The following TMEFF1 variants were observed in gnomAD, a reference collection of about 807,000 sequenced individuals.
TMEFF1 encodes the protein tomoregulin-1.
A neutral mutation model predicts 47.5 loss-of-function variants in TMEFF1; 20 were observed. The observed-to-expected ratio is 0.42, with a 90% CI of 0.30 to 0.61. TMEFF1 has a LOEUF of 0.61. Ranked by LOEUF, TMEFF1 falls within the 20% of genes least tolerant of loss-of-function variation. The probability of loss-of-function intolerance (pLI) is 0.19; values close to 1 mark genes in which losing one functional copy is unlikely to be tolerated. For missense variants in TMEFF1, 411 were observed against 471.1 expected (o/e 0.87, Z 1.18); for synonymous variants, 162 against 166.3 (o/e 0.97, Z 0.20).
chr9:100,478,371 C>T (rs1214150153), intron 1 of TMEFF1, among the ~76,000 whole-genome samples: 2 of 152,036 alleles, frequency 1.3e-5, no homozygotes, highest in African/African-American at 4.8e-5. Context: ...CCCAGGCTGG[C>T]GTGTAGTGAC....
chr9:100,537,611 G>T (rs975584352), intron 5 of TMEFF1, among the ~76,000 whole-genome samples: 1 of 152,212 alleles, frequency 6.6e-6, no homozygotes, highest in Non-Finnish European at 1.5e-5. Flanking sequence ...CTGCTGAGAG[G>T]AGCCCTGCAC....
At chr9:100,574,606 G>T (rs1280324487) in intron 9 of TMEFF1, among the ~76,000 whole-genome samples, 1 of 151,878 alleles carries the variant, frequency 6.6e-6, no homozygotes, top group African/African-American at 2.4e-5. Context: ...TCAACTCCTA[G>T]GCTCAAGTGA....
At chr9:100,497,065 C>T (rs1163047108) in intron 1 of TMEFF1, among the ~76,000 whole-genome samples, 1 of 152,096 alleles carries the variant, frequency 6.6e-6, no homozygotes, top group African/African-American at 2.4e-5. Flanking sequence ...GTCCAAGTTC[C>T]TAGCAGAAGT....
chr9:100,543,755 T>G (rs957450084), intron 5 of TMEFF1, among the ~76,000 whole-genome samples: 1 of 143,634 alleles, frequency 7.0e-6, no homozygotes, highest in Non-Finnish European at 1.5e-5. Flanking sequence ...ACAAATCTCA[T>G]AATGTTTTAA....
rs527790546 is a variant in TMEFF1, at chr9:100,519,934, G to A, written c.560+3163G>A. Among the ~76,000 whole-genome samples the A allele has an allele frequency of 2.6e-5, 4 of 152,072 alleles. No homozygotes were observed. In the South Asian group the frequency reaches 8.3e-4, roughly 32 times the overall value. On this transcript the variant is annotated intron_variant, in intron 5 of 9. Coordinates refer to ENST00000374879, the MANE Select transcript of TMEFF1 (RefSeq NM_003692.5). ...TACACATGGTACTAATAAATATTAA[G>A]TCAAACAAAATTCTGTGGAATAGTA...
At chr9:100,569,857 C>G (rs529649620) in intron 8 of TMEFF1, among the ~76,000 whole-genome samples, 1 of 152,278 alleles carries the variant, frequency 6.6e-6, no homozygotes, top group African/African-American at 2.4e-5. Context: ...ACTATAGTCA[C>G]CATGTTGTAC....
intron 1 of TMEFF1, among the ~76,000 whole-genome samples, chr9:100,477,977 G>A (rs7041189): frequency 0.13 from 20,212 of 152,098 alleles, 1,491 homozygotes; most frequent in Middle Eastern, 0.2. Context: ...CTATTTATTT[G>A]ATTTCTGGTC....
intron 5 of TMEFF1, among the ~76,000 whole-genome samples, chr9:100,518,024 T>C (rs1361847560): frequency 6.6e-6 from 1 of 152,228 alleles, no homozygotes; most frequent in Non-Finnish European, 1.5e-5. Context: ...AATTGGTCTG[T>C]TTTTATTCCT....
intron 7 of TMEFF1, among the ~76,000 whole-genome samples, chr9:100,553,295 T>C (rs1838859255): frequency 6.6e-6 from 1 of 152,226 alleles, no homozygotes; most frequent in Admixed American, 6.5e-5. Flanking sequence ...TATTTTTACC[T>C]CATTTACTTT....
chr9:100,493,547 G>A (rs1192605758), intron 1 of TMEFF1, among the ~76,000 whole-genome samples: 1 of 152,150 alleles, frequency 6.6e-6, no homozygotes, highest in Non-Finnish European at 1.5e-5. Context: ...TGAAATTCTC[G>A]AGACAAGTTT....
Position 100,517,116 on chromosome 9 carries a change from C to T in TMEFF1, c.560+345C>T, listed in dbSNP as rs1838089859. ...TAGGTTTTGTAGCTGACAGCACTGT[C>T]TGTCCAATTTCCCATTCATTCCCTG... On this transcript the variant is annotated intron_variant, in intron 5 of 9. Coordinates refer to ENST00000374879, the MANE Select transcript of TMEFF1 (RefSeq NM_003692.5). Among the ~76,000 whole-genome samples the T allele has an allele frequency of 2.0e-5, 3 of 152,334 alleles. No individual in the cohort carries two copies. In the South Asian group the frequency reaches 6.2e-4, roughly 32 times the overall value.
chr9:100,480,116 G>A (rs1240736787), intron 1 of TMEFF1, among the ~76,000 whole-genome samples: 1 of 152,096 alleles, frequency 6.6e-6, no homozygotes, highest in African/African-American at 2.4e-5. Context: ...TTTCCTAATG[G>A]CTATTGATAT....
chr9:100,533,518 G>T (rs1475209156), intron 5 of TMEFF1, among the ~76,000 whole-genome samples: 2 of 151,892 alleles, frequency 1.3e-5, no homozygotes, highest in African/African-American at 4.8e-5. Flanking sequence ...TCTCTCTCAG[G>T]AAAAAGCCTG....
At chr9:100,514,738 T>C (rs970264012) in intron 4 of TMEFF1, among the ~76,000 whole-genome samples, 2 of 150,006 alleles carry the variant, frequency 1.3e-5, no homozygotes, top group Non-Finnish European at 3.0e-5. Flanking sequence ...CTCATGCCTG[T>C]AATCCCAGCA....
chr9:100,576,628 C>T lies in TMEFF1; in HGVS notation c.*28C>T. 2 of 1,569,850 alleles carry T rather than the reference C, an allele frequency of 1.3e-6. No individual in the cohort carries two copies. The highest frequency in any genetic ancestry group is 1.7e-4 in the Middle Eastern group (1 of 5,802). On this transcript the variant is annotated 3_prime_UTR_variant, in exon 10 of 10. Coordinates refer to ENST00000374879, the MANE Select transcript of TMEFF1 (RefSeq NM_003692.5). Reference sequence around the variant, plus strand: ...TGATGACTTTTATATGTACACTGACCATGTGATGTACATTTATTATGTCTT... The same window carrying T: ...TGATGACTTTTATATGTACACTGACTATGTGATGTACATTTATTATGTCTT...
intron 2 of TMEFF1, among the ~76,000 whole-genome samples, chr9:100,505,362 A>C (rs761700981): frequency 7.7e-6 from 1 of 129,740 alleles, no homozygotes; most frequent in Non-Finnish European, 1.6e-5. Flanking sequence ...CAGTGAGCCT[A>C]GATTGCACCA....
At chr9:100,503,821 A>T (rs1489766880) in intron 2 of TMEFF1, among the ~76,000 whole-genome samples, 1 of 152,204 alleles carries the variant, frequency 6.6e-6, no homozygotes, top group Non-Finnish European at 1.5e-5. Flanking sequence ...TGGGGAGGGC[A>T]GTCTGCTTTA....
At chr9:100,515,665 A>C (rs577361430) in intron 4 of TMEFF1, among the ~76,000 whole-genome samples, 53 of 152,162 alleles carry the variant, frequency 3.5e-4, no homozygotes, top group African/African-American at 1.2e-3. Context: ...GTGAACCTGT[A>C]ATCCTGGCTA....
At chr9:100,486,039 C>CTTT (rs71498744) in intron 1 of TMEFF1, among the ~76,000 whole-genome samples, 1 of 140,540 alleles carries the variant, frequency 7.1e-6, no homozygotes, top group African/African-American at 2.6e-5. Context: ...TTCTCTCTCT[C>CTTT]TTTTTTTTTT....
Sources: allele counts gnomAD v4.1 joint callset (sites outside exome capture counted in the v4.1 genomes callset), GRCh38; gene constraint gnomAD v4.1.1; transcripts MANE v1.5; gene names NCBI Gene and HGNC (gene_info 2026-07-23, HGNC 2026-07-21).